Variants in FRMD5 observed in about 807,000 individuals in gnomAD.
The protein encoded by FRMD5 is FERM domain-containing protein 5.
FRMD5 carries 20 observed loss-of-function variants against 69.0 expected under a neutral mutation model. That is an observed-to-expected ratio of 0.29 (90% CI 0.20 to 0.42). FRMD5 has a LOEUF of 0.42. FRMD5 is among the 10% of genes least tolerant of loss of function. FRMD5 has a pLI of 1.00. For synonymous variants in FRMD5, 271 were observed against 260.1 expected (o/e 1.04, Z -0.40); for missense variants, 595 against 708.6 (o/e 0.84, Z 1.82).
intron 13 of FRMD5, among the ~76,000 whole-genome samples, chr15:43,878,501 C>G (rs959613377): frequency 6.6e-6 from 1 of 152,214 alleles, no homozygotes; most frequent in Non-Finnish European, 1.5e-5. Flanking sequence ...TCTTGCTGTT[C>G]CTCTGATCTC....
intron 1 of FRMD5, among the ~76,000 whole-genome samples, chr15:43,972,826 C>T (rs2090402083): frequency 6.6e-6 from 1 of 152,118 alleles, no homozygotes; most frequent in African/African-American, 2.4e-5. Flanking sequence ...CAACTTCTAC[C>T]CACTGACCCT....
At chr15:44,147,380 T>C (rs1372162105) in intron 1 of FRMD5, among the ~76,000 whole-genome samples, 2 of 152,174 alleles carry the variant, frequency 1.3e-5, no homozygotes, top group Non-Finnish European at 2.9e-5. Flanking sequence ...TACCATGCCT[T>C]GCAGTATAGT....
intron 4 of FRMD5, among the ~76,000 whole-genome samples, chr15:43,914,193 G>T (rs1371461187): frequency 6.6e-6 from 1 of 152,180 alleles, no homozygotes; most frequent in African/African-American, 2.4e-5. Context: ...GGGTAGAAAT[G>T]AGTCCACAGG....
At chr15:44,043,457 G>A (rs979547122) in intron 1 of FRMD5, among the ~76,000 whole-genome samples, 13 of 152,026 alleles carry the variant, frequency 8.6e-5, no homozygotes, top group East Asian at 3.9e-4. Context: ...AAAAGAGCCC[G>A]CATTGCCAAG....
chr15:44,016,839 AT>A (rs35670937), intron 1 of FRMD5, among the ~76,000 whole-genome samples: 17 of 147,394 alleles, frequency 1.2e-4, no homozygotes, highest in African/African-American at 2.2e-4. Flanking sequence ...AGTTCACATA[AT>A]TTTTTTTTTT....
At chr15:44,166,529 A>G (rs1013678323) in intron 1 of FRMD5, among the ~76,000 whole-genome samples, 6 of 152,108 alleles carry the variant, frequency 3.9e-5, no homozygotes, top group African/African-American at 1.4e-4. Context: ...TCATGCCTGT[A>G]ACCCTAGCAA....
chr15:43,873,456 C>CA lies in FRMD5; in HGVS notation c.*428dup, dbSNP rs1299401072. 3 of 1,427,904 alleles carry CA rather than the reference C, an allele frequency of 2.1e-6. No individual in the cohort carries two copies. The highest frequency in any genetic ancestry group is 1.8e-6 in the Non-Finnish European group (2 of 1,101,212). The allele number at this position is 1,427,904 out of a possible 1,614,324, so 88.5% of individuals were successfully genotyped here. On this transcript the variant is annotated 3_prime_UTR_variant, in exon 14 of 14. Transcript: ENST00000417257. ...GTGGCACCAGCAGGAAAAGCTCCTGCAGAATACAGAGGACAGCAGCTCTCT... is the reference window on the plus strand; with the variant it reads ...GTGGCACCAGCAGGAAAAGCTCCTGCAAGAATACAGAGGACAGCAGCTCTCT...
chr15:43,880,061 G>GT (rs892946479), intron 13 of FRMD5, among the ~76,000 whole-genome samples: 1 of 152,198 alleles, frequency 6.6e-6, no homozygotes, highest in Non-Finnish European at 1.5e-5. Context: ...ATCCCAGAGG[G>GT]TAAGGGGAAT....
At chr15:44,116,655 C>T (rs1321533226) in intron 1 of FRMD5, among the ~76,000 whole-genome samples, 1 of 152,202 alleles carries the variant, frequency 6.6e-6, no homozygotes, top group Non-Finnish European at 1.5e-5. Flanking sequence ...TCAGCACTAT[C>T]TCCTTTATGC....
chr15:44,008,627 A>G (rs1890570177), intron 1 of FRMD5, among the ~76,000 whole-genome samples: 1 of 152,036 alleles, frequency 6.6e-6, no homozygotes, highest in African/African-American at 2.4e-5. Context: ...GTGTAAATGT[A>G]TTTTCATTGT....
At position 43,872,935 on chromosome 15, in the gene FRMD5, C is replaced by G. The variant is rs2088199772; in HGVS notation, c.*950G>C. On this transcript the variant is annotated 3_prime_UTR_variant, in exon 14 of 14. Coordinates refer to ENST00000417257, the MANE Select transcript of FRMD5 (RefSeq NM_032892.5). Reference sequence around the variant, plus strand: ...GGGGGTGTATATAAAATAAGCACTGCTATCCAAATCTCAACAGTCTCTCAG... The same window carrying G: ...GGGGGTGTATATAAAATAAGCACTGGTATCCAAATCTCAACAGTCTCTCAG... The G allele has an allele frequency of 4.1e-6, 2 of 492,740 alleles. No individual in the cohort carries two copies. The highest frequency in any genetic ancestry group is 7.7e-5 in the South Asian group (2 of 25,808). The allele number at this position is 492,740 out of a possible 1,614,324, so 30.5% of individuals were successfully genotyped here.
Position 43,871,143 on chromosome 15 carries a change from T to C in FRMD5, c.*2742A>G, listed in dbSNP as rs1428206995. 6.6e-6 allele frequency: 1 copy of C among 152,160 alleles called. No individual in the cohort carries two copies. Among genetic ancestry groups the C allele is most frequent in the Non-Finnish European group, 1.5e-5 (1 of 68,006 alleles). 9.4% of individuals were successfully genotyped at this position (152,160 alleles called of 1,614,324 possible). ...CTTGAACAATTTTTAAAGGTGGAGA[T>C]ATACCAAAAAAGACTAGTCACCAAT... On this transcript the variant is annotated 3_prime_UTR_variant, in exon 14 of 14. Transcript: ENST00000417257.
At chr15:44,016,592 A>G (rs905434972) in intron 1 of FRMD5, among the ~76,000 whole-genome samples, 8 of 152,046 alleles carry the variant, frequency 5.3e-5, no homozygotes, top group African/African-American at 1.9e-4. Flanking sequence ...GCATGTTGGC[A>G]TGCACATGTA....
chr15:44,039,031 G>A (rs1892063361), intron 1 of FRMD5, among the ~76,000 whole-genome samples: 1 of 152,186 alleles, frequency 6.6e-6, no homozygotes, highest in Non-Finnish European at 1.5e-5. Context: ...TAAGGATGGA[G>A]TAGGTGGTTT....
chr15:44,101,018 G>A (rs1317603877), intron 1 of FRMD5, among the ~76,000 whole-genome samples: 2 of 151,840 alleles, frequency 1.3e-5, no homozygotes, highest in Non-Finnish European at 2.9e-5. Context: ...GTGTGATGGT[G>A]CACGCCTGTA....
chr15:44,005,732 C>T (rs1427821781), intron 1 of FRMD5, among the ~76,000 whole-genome samples: 3 of 152,014 alleles, frequency 2.0e-5, no homozygotes, highest in Admixed American at 6.6e-5. Flanking sequence ...TAACTCTTAT[C>T]CCAAGAACAG....
At chr15:44,017,024 C>G (rs1396203472) in intron 1 of FRMD5, among the ~76,000 whole-genome samples, 1 of 151,920 alleles carries the variant, frequency 6.6e-6, no homozygotes, top group Non-Finnish European at 1.5e-5. Flanking sequence ...CCCACCTCAG[C>G]CTCCCAAAGT....
chr15:44,089,702 C>CAA (rs201000851), intron 1 of FRMD5, among the ~76,000 whole-genome samples: 7 of 149,988 alleles, frequency 4.7e-5, no homozygotes, highest in African/African-American at 1.7e-4. Flanking sequence ...GATCCTACGT[C>CAA]AAAAAAAAAG....
intron 1 of FRMD5, among the ~76,000 whole-genome samples, chr15:44,108,098 CTTACATTT>C (rs2076745009): frequency 6.6e-6 from 1 of 152,110 alleles, no homozygotes; most frequent in Admixed American, 6.5e-5. Context: ...AGAATGGTTT[CTTACATTT>C]TTAAAAGGTA....
Sources: gnomAD v4.1 joint callset for allele counts (sites outside exome capture counted in the v4.1 genomes callset) on GRCh38, gnomAD v4.1.1 for gene constraint, MANE v1.5 for transcripts, NCBI Gene and HGNC (gene_info 2026-07-23, HGNC 2026-07-21) for gene names.